The following IBSP variants were observed in gnomAD, a reference collection of about 807,000 sequenced individuals.
IBSP encodes the protein integrin-binding sialoprotein.
In IBSP, 19 loss-of-function variants were observed where a neutral mutation model predicts 25.5. The observed-to-expected ratio is 0.74, with a 90% CI of 0.52 to 1.09. The LOEUF is 1.09. Among genes scored for constraint, IBSP ranks in the 50% least tolerant of loss-of-function variants. The probability of loss-of-function intolerance (pLI) is 0.00; values close to 1 mark genes in which losing one functional copy is unlikely to be tolerated. For missense variants in IBSP, 360 were observed against 382.3 expected (o/e 0.94, Z 0.49); for synonymous variants, 144 against 137.6 (o/e 1.05, Z -0.33).
At chr4:87,801,285 A>C (rs1260528034) in intron 1 of IBSP, among the ~76,000 whole-genome samples, 1 of 152,126 alleles carries the variant, frequency 6.6e-6, no homozygotes, top group Non-Finnish European at 1.5e-5. Context: ...TAGCAGATGG[A>C]AAGCTTAAAT....
intron 1 of IBSP, among the ~76,000 whole-genome samples, chr4:87,799,859 C>T (rs1721986878): frequency 6.6e-6 from 1 of 152,162 alleles, no homozygotes. Flanking sequence ...ACATAAACTA[C>T]ATTATGCTTC....
chr4:87,811,715 A>G lies in IBSP; in HGVS notation c.759A>G (p.Lys253=). 1 of 1,614,072 alleles carries G rather than the reference A, an allele frequency of 6.2e-7. No individual in the cohort carries two copies. The highest frequency in any genetic ancestry group is 8.5e-7 in the Non-Finnish European group (1 of 1,179,990). Residue 253 remains lysine (K), a synonymous_variant, in exon 7 of 7, where the codon AAA becomes AAG. Coordinates refer to ENST00000226284, the MANE Select transcript of IBSP (RefSeq NM_004967.4). The part of the protein sequence containing the change: ...VYRTTSPPFG[K]TTTVEYEGEY... Reference sequence around the variant, plus strand: ...GAACCACTTCCCCACCTTTTGGGAAAACCACCACCGTTGAATACGAGGGGG... The same window carrying G: ...GAACCACTTCCCCACCTTTTGGGAAGACCACCACCGTTGAATACGAGGGGG...
Position 87,812,282 on chromosome 4 carries a change from T to A in IBSP, c.*372T>A, listed in dbSNP as rs978994583. On this transcript the variant is annotated 3_prime_UTR_variant, in exon 7 of 7. Coordinates refer to ENST00000226284, the MANE Select transcript of IBSP (RefSeq NM_004967.4). ...GTGCTTCTAAGAATTTCATTGACAT[T>A]AATGACACTGTATACAATAAATGTG... The A allele has an allele frequency of 5.4e-6, 1 of 184,098 alleles. No individual in the cohort carries two copies. Among genetic ancestry groups the A allele is most frequent in the African/African-American group, 2.3e-5 (1 of 42,702 alleles). 11.4% of individuals were successfully genotyped at this position (184,098 alleles called of 1,614,324 possible).
intron 4 of IBSP, among the ~76,000 whole-genome samples, chr4:87,803,354 A>G (rs1327302704): frequency 6.6e-6 from 1 of 152,198 alleles, no homozygotes; most frequent in African/African-American, 2.4e-5. Context: ...GCTTGTGAGA[A>G]AAACAAACCA....
chr4:87,806,453 T>C (rs902023751), intron 5 of IBSP, among the ~76,000 whole-genome samples: 1 of 150,762 alleles, frequency 6.6e-6, no homozygotes, highest in Non-Finnish European at 1.5e-5. Context: ...TAGTATAAAA[T>C]CTGATAAAAA....
intron 4 of IBSP, among the ~76,000 whole-genome samples, chr4:87,803,509 T>C (rs1722050893): frequency 6.6e-6 from 1 of 152,184 alleles, no homozygotes; most frequent in South Asian, 2.1e-4. Context: ...GATTGCACTA[T>C]TTTTAGTACC....
At chr4:87,809,080 T>C (rs1198077335) in intron 5 of IBSP, among the ~76,000 whole-genome samples, 5 of 152,164 alleles carry the variant, frequency 3.3e-5, no homozygotes, top group Admixed American at 3.3e-4. Context: ...TGTATGAGGG[T>C]TCCGGTTGCT....
chr4:87,806,991 C>T (rs1424782451), intron 5 of IBSP, among the ~76,000 whole-genome samples: 1 of 150,744 alleles, frequency 6.6e-6, no homozygotes, highest in South Asian at 2.1e-4. Context: ...CGCAACAGAG[C>T]AAGACTCTGT....
intron 5 of IBSP, among the ~76,000 whole-genome samples, chr4:87,807,215 G>T (rs201527693): frequency 6.6e-6 from 1 of 151,990 alleles, no homozygotes; most frequent in Non-Finnish European, 1.5e-5. Flanking sequence ...CATCTTTCCC[G>T]CATAGTCAAT....
intron 4 of IBSP, among the ~76,000 whole-genome samples, chr4:87,804,608 G>A (rs1722066070): frequency 6.6e-6 from 1 of 152,308 alleles, no homozygotes; most frequent in Admixed American, 6.5e-5. Flanking sequence ...GACAAGAGTT[G>A]TGGGTTTTCA....
chr4:87,801,509 C>T (rs979056230), intron 1 of IBSP, among the ~76,000 whole-genome samples: 10 of 89,194 alleles, frequency 1.1e-4, no homozygotes, highest in Non-Finnish European at 2.8e-4. Flanking sequence ...CACACACACA[C>T]ACACACGCAT....
Position 87,811,531 on chromosome 4 carries a change from G to A in IBSP, c.575G>A (p.Ser192Asn), listed in dbSNP as rs760063070. ...NSTEAENGNG[S>N]SGGDNGEEGE... ...ACAGAGGCAGAAAACGGCAACGGCAGCAGCGGAGGAGACAATGGAGAAGAA... is the reference window on the plus strand; with the variant it reads ...ACAGAGGCAGAAAACGGCAACGGCAACAGCGGAGGAGACAATGGAGAAGAA... The change falls in exon 7 of 7, where the codon AGC becomes AAC. Residue 192 changes from serine to asparagine, a missense_variant. Coordinates refer to ENST00000226284, the MANE Select transcript of IBSP (RefSeq NM_004967.4). 7.4e-6 allele frequency: 12 copies of A among 1,613,836 alleles called. No individual in the cohort carries two copies. The highest frequency in any genetic ancestry group is 7.6e-6 in the Non-Finnish European group (9 of 1,179,956).
In IBSP at chr4:87,811,723, C is replaced by T. The variant is rs906838195; in HGVS notation, c.767C>T (p.Thr256Ile). 6.2e-7 allele frequency: 1 copy of T among 1,614,072 alleles called. No individual in the cohort carries two copies. The highest frequency in any genetic ancestry group is 8.5e-7 in the Non-Finnish European group (1 of 1,179,996). Residue 256 changes from threonine (T) to isoleucine (I), a missense_variant, in exon 7 of 7, where the codon ACC becomes ATC. Transcript: ENST00000226284. ...TTSPPFGKTT[T>I]VEYEGEYEYT... ...TCCCCACCTTTTGGGAAAACCACCACCGTTGAATACGAGGGGGAGTACGAA... is the reference window on the plus strand; with the variant it reads ...TCCCCACCTTTTGGGAAAACCACCATCGTTGAATACGAGGGGGAGTACGAA...
At chr4:87,802,947 G>A (rs893423723) in intron 4 of IBSP, among the ~76,000 whole-genome samples, 1 of 152,036 alleles carries the variant, frequency 6.6e-6, no homozygotes, top group Non-Finnish European at 1.5e-5. Context: ...GGATCATTTG[G>A]GTACAGTCTA....
intron 4 of IBSP, 64 bp from the exon 5 acceptor site, chr4:87,806,058 T>C (rs1277864076): frequency 1.4e-5 from 17 of 1,235,300 alleles, no homozygotes; most frequent in Admixed American, 7.7e-5. Context: ...GCAGGAAATT[T>C]AAATTGCTGT....
rs147133569 is a variant in IBSP, at chr4:87,805,932, A to T, written c.184-190A>T. ...TCTCTAACTTCATTTTGCATGTCTAATCTCCTATCTTTCTCACATCAGTAT... is the reference window on the plus strand; with the variant it reads ...TCTCTAACTTCATTTTGCATGTCTATTCTCCTATCTTTCTCACATCAGTAT... On this transcript the variant is annotated intron_variant, in intron 4 of 6. Coordinates refer to ENST00000226284, the MANE Select transcript of IBSP (RefSeq NM_004967.4). Among the ~76,000 whole-genome samples, 453 of 152,314 alleles carry T rather than the reference A, an allele frequency of 3.0e-3. 1 individual carries two copies. Among genetic ancestry groups the T allele is most frequent in the Middle Eastern group, 0.01 (3 of 294 alleles).
intron 1 of IBSP, among the ~76,000 whole-genome samples, chr4:87,800,149 C>T (rs569434047): frequency 6.6e-6 from 1 of 152,238 alleles, no homozygotes; most frequent in South Asian, 2.1e-4. Context: ...TCATACCCTT[C>T]CCAATAAAAC....
At chr4:87,801,500 A>G (rs866340305) in intron 1 of IBSP, among the ~76,000 whole-genome samples, 2 of 136,700 alleles carry the variant, frequency 1.5e-5, no homozygotes, top group Middle Eastern at 3.6e-3. Context: ...ACACACACAC[A>G]CACACACACA....
intron 3 of IBSP, 43 bp downstream of exon 3, chr4:87,802,601 T>C: frequency 1.3e-6 from 2 of 1,571,408 alleles, no homozygotes; most frequent in East Asian, 2.2e-5. Flanking sequence ...TTATACTTGC[T>C]GTATATTTAT....
Sources: allele counts gnomAD v4.1 joint callset (sites outside exome capture counted in the v4.1 genomes callset), GRCh38; gene constraint gnomAD v4.1.1; transcripts MANE v1.5; gene names NCBI Gene and HGNC (gene_info 2026-07-23, HGNC 2026-07-21).